Variants in IQSEC1 observed in about 807,000 individuals in gnomAD.
The protein encoded by IQSEC1 is IQ motif and Sec7 domain ArfGEF 1.
Under a neutral mutation model 91.0 loss-of-function variants are expected in IQSEC1, and 31 were observed. The ratio of observed to expected loss-of-function variants is 0.34; its 90% CI spans 0.26 to 0.46. The LOEUF is 0.46. Ranked by LOEUF, IQSEC1 falls within the 20% of genes least tolerant of loss-of-function variation. The probability of loss-of-function intolerance (pLI) is 1.00; values close to 1 mark genes in which losing one functional copy is unlikely to be tolerated. For missense variants in IQSEC1, 1,388 were observed against 1,575.6 expected (o/e 0.88, Z 2.02); for synonymous variants, 699 against 662.6 (o/e 1.05, Z -0.84).
At chr3:13,278,370 G>A (rs1386390432) in intron 1 of IQSEC1, among the ~76,000 whole-genome samples, 2 of 152,174 alleles carry the variant, frequency 1.3e-5, no homozygotes, top group African/African-American at 4.8e-5. Context: ...CACCCCACGT[G>A]ACACCGTGAG....
chr3:12,971,678 C>A (rs1700903854), intron 1 of IQSEC1, among the ~76,000 whole-genome samples: 1 of 152,202 alleles, frequency 6.6e-6, no homozygotes, highest in Admixed American at 6.5e-5. Context: ...CCCAAGAGTG[C>A]CATTGCACTC....
chr3:13,032,355 C>G (rs1280100002), intron 1 of IQSEC1, among the ~76,000 whole-genome samples: 1 of 152,220 alleles, frequency 6.6e-6, no homozygotes, highest in Non-Finnish European at 1.5e-5. Flanking sequence ...ACACACACCC[C>G]GGCTGGCCCT....
intron 1 of IQSEC1, among the ~76,000 whole-genome samples, chr3:13,181,195 C>T (rs963866308): frequency 2.0e-5 from 3 of 152,174 alleles, no homozygotes; most frequent in African/African-American, 7.2e-5. Flanking sequence ...GGCGCAAACT[C>T]GGGAGGTGGA....
chr3:13,250,731 T>C (rs1695180981), intron 1 of IQSEC1, among the ~76,000 whole-genome samples: 1 of 151,924 alleles, frequency 6.6e-6, no homozygotes, highest in Non-Finnish European at 1.5e-5. Context: ...CCTCCCAAAG[T>C]GCTGGGATTG....
At chr3:12,973,308 T>C (rs147355948) in intron 1 of IQSEC1, among the ~76,000 whole-genome samples, 2 of 152,314 alleles carry the variant, frequency 1.3e-5, no homozygotes, top group Non-Finnish European at 2.9e-5. Context: ...CTTATCCTGT[T>C]TCCACGTCCT....
At chr3:12,980,054 C>G (rs1307885991) in intron 1 of IQSEC1, among the ~76,000 whole-genome samples, 2 of 152,212 alleles carry the variant, frequency 1.3e-5, no homozygotes, top group Non-Finnish European at 2.9e-5. Flanking sequence ...CCACTGTGTG[C>G]CTCCTGAGCT....
chr3:13,276,023 A>G (rs373563474), intron 1 of IQSEC1, among the ~76,000 whole-genome samples: 16 of 147,516 alleles, frequency 1.1e-4, no homozygotes, highest in Admixed American at 5.5e-4. Flanking sequence ...CAACTTTTCT[A>G]TATGTTTGAA....
chr3:13,092,875 G>A (rs73014619), intron 2 of IQSEC1, among the ~76,000 whole-genome samples: 17,947 of 152,060 alleles, frequency 0.12, 1,109 homozygotes, highest in Middle Eastern at 0.21. Flanking sequence ...GAACTTCTTC[G>A]AGTCCCGGGG....
chr3:13,220,451 G>T (rs1694636578), intron 1 of IQSEC1, among the ~76,000 whole-genome samples: 2 of 152,192 alleles, frequency 1.3e-5, no homozygotes, highest in African/African-American at 4.8e-5. Context: ...CCCCACAAGG[G>T]GCTTCTCCCG....
At position 13,183,775 on chromosome 3, in the gene IQSEC1, C is replaced by T. The variant is rs559508468; in HGVS notation, c.273-19642G>A. ...TAAACACTTGAAAACTGGACCCTTG[C>T]TTGGTTTTACCTGCAGGCTATAGTT... On this transcript the variant is annotated intron_variant, in intron 1 of 15. Coordinates refer to the IQSEC1 transcript ENST00000648114. Among the ~76,000 whole-genome samples, 8 of 152,238 alleles carry T rather than the reference C, an allele frequency of 5.3e-5. No homozygotes were observed. The South Asian group carries it at 8.3e-4, about 16-fold the overall frequency.
chr3:13,167,019 G>A (rs1435578710), intron 1 of IQSEC1, among the ~76,000 whole-genome samples: 2 of 152,226 alleles, frequency 1.3e-5, no homozygotes, highest in Non-Finnish European at 2.9e-5. Context: ...GTGCGTGTGT[G>A]CATGTGCAAA....
chr3:12,953,099 G>A (rs1204307746), intron 1 of IQSEC1, among the ~76,000 whole-genome samples: 2 of 152,210 alleles, frequency 1.3e-5, no homozygotes, highest in East Asian at 3.9e-4. Context: ...GTGGGGCTCA[G>A]CCAGGGACAG....
In IQSEC1 at chr3:12,935,814, T is replaced by G. The variant is rs1410683603; in HGVS notation, c.1202A>C (p.Gln401Pro). Reference protein sequence around the residue: ...SAYERSLGGQQGSPKHGPHSG... With the variant: ...SAYERSLGGQPGSPKHGPHSG... Reference sequence around the variant, plus strand: ...GTGGGGACCATGCTTGGGACTGCCCTGCTGCCCGCCAAGGCTGCGCTCGTA... The same window carrying G: ...GTGGGGACCATGCTTGGGACTGCCCGGCTGCCCGCCAAGGCTGCGCTCGTA... The change falls in exon 3 of 14, where the codon CAG (glutamine) becomes CCG (proline). Residue 401 changes from glutamine (Q) to proline (P), a missense_variant. Transcript: ENST00000613206. This position sits in a 1 kb window ranked among gnomAD's most constrained non-coding sequence, Gnocchi z 8.0. 6.2e-7 allele frequency: 1 copy of G among 1,607,666 alleles called. No individual in the cohort carries two copies. Among genetic ancestry groups the G allele is most frequent in the Admixed American group, 1.7e-5 (1 of 59,996 alleles).
At chr3:12,987,869 A>G (rs1054445986) in intron 1 of IQSEC1, among the ~76,000 whole-genome samples, 1 of 152,334 alleles carries the variant, frequency 6.6e-6, no homozygotes, top group East Asian at 1.9e-4. Context: ...GCAAATTCAA[A>G]CCACAGCAAG....
chr3:13,168,880 T>G (rs903555490), intron 1 of IQSEC1, among the ~76,000 whole-genome samples: 2 of 152,206 alleles, frequency 1.3e-5, no homozygotes, highest in African/African-American at 4.8e-5. Flanking sequence ...TATTACCCCA[T>G]TCATCCTCCT....
intron 1 of IQSEC1, among the ~76,000 whole-genome samples, chr3:13,264,367 C>T (rs2125134300): frequency 6.6e-6 from 1 of 152,340 alleles, no homozygotes; most frequent in Middle Eastern, 3.4e-3. Context: ...CTAAGGACAG[C>T]AGGGGCAGAA....
intron 2 of IQSEC1, among the ~76,000 whole-genome samples, chr3:13,109,310 G>T (rs1706202890): frequency 1.3e-5 from 2 of 152,092 alleles, no homozygotes; most frequent in African/African-American, 4.8e-5. Context: ...TTTCTTAAAA[G>T]AAGAGAGATG....
At position 13,021,982 on chromosome 3, in the gene IQSEC1, C is replaced by T. The variant is rs890824847; in HGVS notation, c.23+51010G>A. ...ACCCTGTACAGCCATGCAAACCATC[C>T]GGCCCAACAGTCGACAGCCAGGCAG... On this transcript the variant is annotated intron_variant, in intron 1 of 13. Coordinates refer to ENST00000613206, the MANE Select transcript of IQSEC1 (RefSeq NM_001134382.3). 25 of 1,171,212 alleles carry T rather than the reference C, an allele frequency of 2.1e-5. No individual in the cohort carries two copies. In the East Asian group the frequency reaches 2.9e-4, roughly 13 times the overall value. The allele number at this position is 1,171,212 out of a possible 1,614,324, so 72.6% of individuals were successfully genotyped here. A position where few individuals can be genotyped will look rare whatever the true frequency, so the allele number is the denominator to read the frequency against.
rs1447981419 is a variant in IQSEC1, at chr3:12,916,602, A to G, written c.2021-869T>C. ...GACAGGAGATGCTCCAACCCGGGGT[A>G]GGCAACCTGGCAATGCCTGTCCAAA... is the stretch of plus-strand genomic sequence containing the variant. On this transcript the variant is annotated intron_variant, in intron 6 of 13. Coordinates refer to ENST00000613206, the MANE Select transcript of IQSEC1 (RefSeq NM_001134382.3). 2.6e-5 allele frequency among the ~76,000 whole-genome samples: 4 copies of G among 152,336 alleles called. No homozygotes were observed. The East Asian group carries it at 7.7e-4, about 29-fold the overall frequency.
Sources: allele counts gnomAD v4.1 joint callset (sites outside exome capture counted in the v4.1 genomes callset), GRCh38; gene constraint gnomAD v4.1.1; non-coding constraint Gnocchi (gnomAD v3.1); transcripts MANE v1.5; gene names NCBI Gene and HGNC (gene_info 2026-07-23, HGNC 2026-07-21).